PGM2: variants seen among roughly 807,000 people sequenced by gnomAD.
PGM2 encodes phosphopentomutase.
In PGM2, 57 loss-of-function variants were observed where a neutral mutation model predicts 74.6. The ratio of observed to expected loss-of-function variants is 0.76; its 90% CI spans 0.62 to 0.95. PGM2 has a LOEUF of 0.95. PGM2 is among the 40% of genes least tolerant of loss of function. The pLI is 0.00. For missense variants in PGM2, 706 were observed against 741.9 expected (o/e 0.95, Z 0.56); for synonymous variants, 273 against 260.7 (o/e 1.05, Z -0.46).
At chr4:37,854,870 T>C (rs781722385) in intron 12 of PGM2, among the ~76,000 whole-genome samples, 5 of 152,198 alleles carry the variant, frequency 3.3e-5, no homozygotes, top group Non-Finnish European at 5.9e-5. Context: ...TACACAAAGT[T>C]ACTTAATTTT....
chr4:37,861,805 A>G lies in PGM2; in HGVS notation c.*193A>G. The G allele has an allele frequency of 2.3e-6, 1 of 434,236 alleles. No homozygotes were observed. The allele number at this position is 434,236 out of a possible 1,614,324, so 26.9% of individuals were successfully genotyped here. On this transcript the variant is annotated 3_prime_UTR_variant, in exon 14 of 14. Coordinates refer to ENST00000381967, the MANE Select transcript of PGM2 (RefSeq NM_018290.4). The stretch of plus-strand genomic sequence containing the variant: ...GAAAATGGCCAAACCCAACAAACTA[A>G]CATTCCTACTAAAAAGTTGAGCTTG...
chr4:37,855,315 G>A (rs1726163819), intron 12 of PGM2, among the ~76,000 whole-genome samples: 1 of 151,994 alleles, frequency 6.6e-6, no homozygotes, highest in Non-Finnish European at 1.5e-5. Flanking sequence ...TTCTATGCCT[G>A]GCTTATTTCA....
At chr4:37,851,786 A>T (rs13140704) in intron 12 of PGM2, among the ~76,000 whole-genome samples, 80,772 of 151,838 alleles carry the variant, frequency 0.53, 22,146 homozygotes, top group Non-Finnish European at 0.61. Flanking sequence ...TCTACATTCA[A>T]TAATTCTCTT....
chr4:37,844,674 A>G, intron 7 of PGM2, 121 bp downstream of exon 7: 1 of 674,170 alleles, frequency 1.5e-6, no homozygotes, highest in Non-Finnish European at 2.5e-6. Context: ...CAGCATGGAA[A>G]TATGTATGTT....
chr4:37,839,182 G>A (rs1560414297), intron 4 of PGM2, among the ~76,000 whole-genome samples: 1 of 146,896 alleles, frequency 6.8e-6, no homozygotes, highest in Admixed American at 6.9e-5. Flanking sequence ...GCAATGGCAG[G>A]ATCTTGGCTC....
At chr4:37,842,882 C>T (rs1191523064) in intron 6 of PGM2, among the ~76,000 whole-genome samples, 1 of 152,038 alleles carries the variant, frequency 6.6e-6, no homozygotes, top group Admixed American at 6.6e-5. Context: ...AGGCTGGTCT[C>T]GTATTCCTGA....
At chr4:37,848,995 G>T (rs957194878) in intron 11 of PGM2, among the ~76,000 whole-genome samples, 2 of 151,482 alleles carry the variant, frequency 1.3e-5, no homozygotes, top group Non-Finnish European at 2.9e-5. Flanking sequence ...GCTTGAACCT[G>T]GGAGGCAGAG....
chr4:37,841,848 G>C (rs535029600), intron 6 of PGM2, among the ~76,000 whole-genome samples: 1 of 152,332 alleles, frequency 6.6e-6, no homozygotes, highest in East Asian at 1.9e-4. Flanking sequence ...GCGCGTGCAT[G>C]CACGTGCATG....
At chr4:37,831,438 G>T (rs11733779) in intron 2 of PGM2, among the ~76,000 whole-genome samples, 68,455 of 152,020 alleles carry the variant, frequency 0.45, 17,432 homozygotes, top group Non-Finnish European at 0.59. Context: ...CATTTATTTT[G>T]CTCACAAATC....
At chr4:37,842,158 T>C (rs889206923) in intron 6 of PGM2, among the ~76,000 whole-genome samples, 2 of 148,680 alleles carry the variant, frequency 1.3e-5, no homozygotes, top group Admixed American at 6.7e-5. Context: ...GTTTATAATA[T>C]ATATACATAT....
At chr4:37,832,007 G>A (rs930008282) in intron 2 of PGM2, among the ~76,000 whole-genome samples, 1 of 152,090 alleles carries the variant, frequency 6.6e-6, no homozygotes, top group Non-Finnish European at 1.5e-5. Context: ...TAGTTTCTGA[G>A]AATAATGAAA....
chr4:37,837,102 T>A (rs966129518), intron 3 of PGM2, among the ~76,000 whole-genome samples: 1 of 152,168 alleles, frequency 6.6e-6, no homozygotes, highest in South Asian at 2.1e-4. Flanking sequence ...CTCTCCCTAC[T>A]AGCTGCCAGT....
chr4:37,845,757 T>C lies in PGM2; in HGVS notation c.1007+27T>C, dbSNP rs751627651. 4.6e-6 allele frequency: 6 copies of C among 1,300,768 alleles called. No homozygotes were observed. The East Asian group carries it at 1.4e-4, about 30-fold the overall frequency. The allele number at this position is 1,300,768 out of a possible 1,614,324, so 80.6% of individuals were successfully genotyped here. ...TAAAATTAATTGTGATTACCTATAT[T>C]ATAGAACATATAAAGGATGATCTCT... On this transcript the variant is annotated intron_variant, in intron 8 of 13. Transcript: ENST00000381967.
At chr4:37,834,456 T>C (rs1472922949) in intron 2 of PGM2, among the ~76,000 whole-genome samples, 162 bp from the exon 3 acceptor site, 3 of 152,198 alleles carry the variant, frequency 2.0e-5, no homozygotes, top group Non-Finnish European at 4.4e-5. Context: ...AAAGCTGTTA[T>C]TTTATTATTG....
In PGM2 at chr4:37,847,309, A is replaced by G. The variant is rs750266558; in HGVS notation, c.1282+14A>G. 3.8e-6 allele frequency: 6 copies of G among 1,566,962 alleles called. No homozygotes were observed. The highest frequency in any genetic ancestry group is 5.3e-6 in the Non-Finnish European group (6 of 1,137,522). ...AAGAAGCTATTGGTAAGAAGTGATC[A>G]TGAACATTAAGGAATTGGCTGCAAG... On this transcript the variant is annotated intron_variant, in intron 10 of 13. Transcript: ENST00000381967.
rs1410771195 is a variant in PGM2 at position 37,826,729 on chromosome 4, A to T, written c.-4A>T. 1.3e-6 allele frequency: 2 copies of T among 1,548,938 alleles called. No individual in the cohort carries two copies. The highest frequency in any genetic ancestry group is 2.4e-5 in the South Asian group (2 of 84,036). ...CCCTCTGCAGCGGTAGCACAAGCTC[A>T]GCGATGGCGGCTCCAGAAGGCAGCG... On this transcript the variant is annotated 5_prime_UTR_variant, in exon 1 of 14. Transcript: ENST00000381967.
intron 6 of PGM2, among the ~76,000 whole-genome samples, chr4:37,840,514 C>T (rs1308591901): frequency 6.6e-6 from 1 of 152,218 alleles, no homozygotes; most frequent in Non-Finnish European, 1.5e-5. Context: ...TCCCAAGTAG[C>T]TGGTATCACA....
chr4:37,839,492 C>T, intron 4 of PGM2: 2 of 463,828 alleles, frequency 4.3e-6, no homozygotes, highest in Non-Finnish European at 8.5e-6. Context: ...AGGGAGTAAA[C>T]TGAATCCACA....
chr4:37,858,927 A>G (rs1160459603), intron 13 of PGM2, among the ~76,000 whole-genome samples: 2 of 152,182 alleles, frequency 1.3e-5, no homozygotes, highest in African/African-American at 2.4e-5. Flanking sequence ...CACTTAGACC[A>G]AACTTTGTAT....
Sources: gnomAD v4.1 joint callset for allele counts (sites outside exome capture counted in the v4.1 genomes callset) on GRCh38, gnomAD v4.1.1 for gene constraint, MANE v1.5 for transcripts, NCBI Gene and HGNC (gene_info 2026-07-23, HGNC 2026-07-21) for gene names.